Variants in OLA1 observed in about 807,000 individuals in gnomAD.
OLA1 encodes the protein Obg like ATPase 1, also known as obg-like ATPase 1.
In OLA1, 14 loss-of-function variants were observed where a neutral mutation model predicts 48.4. The ratio of observed to expected loss-of-function variants is 0.29; its 90% CI spans 0.19 to 0.45. OLA1 has a LOEUF of 0.45. Among genes scored for constraint, OLA1 ranks in the 20% least tolerant of loss-of-function variants. The pLI, the probability that OLA1 is intolerant of heterozygous loss-of-function variation, is 1.00. For missense variants in OLA1, 325 were observed against 467.1 expected, an observed-to-expected ratio of 0.70 and a Z score of 2.80; for synonymous variants, 127 against 150.4, an observed-to-expected ratio of 0.84 and a Z score of 1.14.
At chr2:174,185,478 C>T (rs1039499220) in intron 4 of OLA1, among the ~76,000 whole-genome samples, 1 of 151,980 alleles carries the variant, frequency 6.6e-6, no homozygotes, top group Non-Finnish European at 1.5e-5. Context: ...TGTCAACATT[C>T]GAATACTTAT....
At chr2:174,202,763 C>T (rs1688019496) in intron 4 of OLA1, among the ~76,000 whole-genome samples, 1 of 152,068 alleles carries the variant, frequency 6.6e-6, no homozygotes, top group Non-Finnish European at 1.5e-5. Context: ...AATTATTTTC[C>T]TTATGATTTT....
intron 7 of OLA1, among the ~76,000 whole-genome samples, chr2:174,088,008 G>T (rs147356819): frequency 7.2e-4 from 109 of 152,216 alleles, no homozygotes; most frequent in African/African-American, 2.5e-3. Context: ...TTACCTGTTT[G>T]AACTTACATC....
intron 4 of OLA1, among the ~76,000 whole-genome samples, chr2:174,180,736 A>G (rs1188141871): frequency 3.9e-5 from 6 of 152,246 alleles, no homozygotes; most frequent in African/African-American, 1.4e-4. Flanking sequence ...GAAATACTGC[A>G]TATATCATTT....
At chr2:174,241,825 G>A (rs963662277) in intron 2 of OLA1, among the ~76,000 whole-genome samples, 1 of 152,080 alleles carries the variant, frequency 6.6e-6, no homozygotes, top group Non-Finnish European at 1.5e-5. Flanking sequence ...TAGTAGACAT[G>A]GGGTTTCACC....
chr2:174,236,475 A>G (rs149493734), intron 2 of OLA1, among the ~76,000 whole-genome samples: 29 of 152,322 alleles, frequency 1.9e-4, no homozygotes, highest in African/African-American at 6.3e-4. Flanking sequence ...CAATAAAAGT[A>G]TCCAAATGAA....
chr2:174,087,405 T>C (rs547370652), intron 7 of OLA1, among the ~76,000 whole-genome samples: 2 of 152,166 alleles, frequency 1.3e-5, no homozygotes, highest in East Asian at 1.9e-4. Context: ...TTCTACGTAT[T>C]AGGAACAAGA....
At chr2:174,081,367 C>T (rs1319844871) in intron 8 of OLA1, 119 bp from the exon 9 acceptor site, 1 of 689,978 alleles carries the variant, frequency 1.4e-6, no homozygotes, top group African/African-American at 1.8e-5. Flanking sequence ...AATGACCATT[C>T]ATCTTTCAGA....
At chr2:174,171,044 T>C (rs73035739) in intron 4 of OLA1, among the ~76,000 whole-genome samples, 3,999 of 152,324 alleles carry the variant, frequency 0.026, 167 homozygotes, top group African/African-American at 0.09. Context: ...GAGAAAAAAG[T>C]AAATTCATCC....
intron 1 of OLA1, 147 bp from the exon 2 acceptor site, chr2:174,246,962 A>G (rs1689139059): frequency 2.2e-6 from 1 of 462,864 alleles, no homozygotes; most frequent in Admixed American, 3.8e-5. Context: ...ACAGAGCTAA[A>G]TCCACTTTTT....
chr2:174,247,667 C>CA (rs1689156395), intron 1 of OLA1: 1 of 1,551,038 alleles, frequency 6.4e-7, no homozygotes, highest in East Asian at 2.4e-5. Flanking sequence ...GATGAACACC[C>CA]ACCAGGTACT....
chr2:174,101,987 G>C (rs1237461269), intron 7 of OLA1, among the ~76,000 whole-genome samples: 1 of 152,164 alleles, frequency 6.6e-6, no homozygotes, highest in Non-Finnish European at 1.5e-5. Context: ...AGGCAGTTTA[G>C]TTTTATATAT....
chr2:174,117,571 A>C (rs763821634), intron 7 of OLA1, among the ~76,000 whole-genome samples: 1 of 152,176 alleles, frequency 6.6e-6, no homozygotes, highest in African/African-American at 2.4e-5. Flanking sequence ...TATTTAACTC[A>C]TCAAATAGTT....
intron 4 of OLA1, among the ~76,000 whole-genome samples, chr2:174,219,356 T>C (rs1331450161): frequency 1.3e-5 from 2 of 151,284 alleles, no homozygotes; most frequent in African/African-American, 4.9e-5. Flanking sequence ...ATTATCAGTA[T>C]CTTGGAAATA....
chr2:174,206,667 A>G (rs187568427), intron 4 of OLA1, among the ~76,000 whole-genome samples: 85 of 152,344 alleles, frequency 5.6e-4, no homozygotes, highest in African/African-American at 2.0e-3. Context: ...CCAGTAGATT[A>G]AATAGCTTGA....
intron 2 of OLA1, among the ~76,000 whole-genome samples, chr2:174,238,064 A>G (rs1688901085): frequency 6.6e-6 from 1 of 152,244 alleles, no homozygotes; most frequent in Non-Finnish European, 1.5e-5. Flanking sequence ...GGCATCCCAG[A>G]AAGGGAATAA....
At chr2:174,144,610 A>AT (rs940869739) in intron 4 of OLA1, among the ~76,000 whole-genome samples, 3 of 151,416 alleles carry the variant, frequency 2.0e-5, no homozygotes, top group African/African-American at 4.9e-5. Flanking sequence ...ATGTCATAGC[A>AT]TTTTTTTTGC....
chr2:174,112,453 T>C (rs1183750937), intron 7 of OLA1, among the ~76,000 whole-genome samples: 1 of 152,158 alleles, frequency 6.6e-6, no homozygotes. Context: ...AATACAACAT[T>C]AGGCATACAA....
chr2:174,164,383 C>CTGTATAGTGCAGAATGGATACCATTA (rs1687112566), intron 4 of OLA1, among the ~76,000 whole-genome samples: 1 of 151,994 alleles, frequency 6.6e-6, no homozygotes, highest in Admixed American at 6.5e-5. Flanking sequence ...GGATACCATT[C>CTGTATAGTGCAGAATGGATACCATTA]TGTTTTATGT....
intron 2 of OLA1, among the ~76,000 whole-genome samples, chr2:174,237,403 A>G (rs1688882019): frequency 6.6e-6 from 1 of 151,992 alleles, no homozygotes; most frequent in Non-Finnish European, 1.5e-5. Context: ...GCTGTTTTAC[A>G]GTTACTTTTT....
Sources: allele counts gnomAD v4.1 joint callset (sites outside exome capture counted in the v4.1 genomes callset), GRCh38; gene constraint gnomAD v4.1.1; transcripts MANE v1.5; gene names NCBI Gene and HGNC (gene_info 2026-07-23, HGNC 2026-07-21).